The following DOCK5 variants were observed in gnomAD, a reference collection of about 807,000 sequenced individuals.
DOCK5 encodes dedicator of cytokinesis 5.
DOCK5 carries 142 observed loss-of-function variants against 251.8 expected under a neutral mutation model. The ratio of observed to expected loss-of-function variants is 0.56; its 90% CI spans 0.49 to 0.65. The LOEUF (loss-of-function observed/expected upper bound fraction) is 0.65. Among genes scored for constraint, DOCK5 ranks in the 30% least tolerant of loss-of-function variants. DOCK5 has a pLI of 0.00. For missense variants in DOCK5, 2,111 were observed against 2,312.3 expected, an observed-to-expected ratio of 0.91 and a Z score of 1.79; for synonymous variants, 842 against 835.5, an observed-to-expected ratio of 1.01 and a Z score of -0.13.
At chr8:25,205,265 GTCTC>G (rs1801974903) in intron 1 of DOCK5, among the ~76,000 whole-genome samples, 1 of 151,882 alleles carries the variant, frequency 6.6e-6, no homozygotes, top group Non-Finnish European at 1.5e-5. Flanking sequence ...CTCTCCCTCT[GTCTC>G]TCTCTTTCTG....
intron 1 of DOCK5, among the ~76,000 whole-genome samples, chr8:25,240,992 C>T (rs758938959): frequency 5.9e-5 from 9 of 152,286 alleles, no homozygotes; most frequent in South Asian, 4.1e-4. Context: ...ATCTGCATGT[C>T]GCCTTCTCTC....
chr8:25,365,417 C>A (rs572677218), intron 30 of DOCK5, among the ~76,000 whole-genome samples: 7 of 152,286 alleles, frequency 4.6e-5, no homozygotes, highest in South Asian at 4.1e-4. Context: ...TGTCCAAGTT[C>A]TTGACGTTTT....
intron 1 of DOCK5, among the ~76,000 whole-genome samples, chr8:25,204,152 A>G (rs1438991053): frequency 6.6e-6 from 1 of 152,176 alleles, no homozygotes; most frequent in Non-Finnish European, 1.5e-5. Context: ...TTTTAATAGC[A>G]TGTGTTTGGA....
At chr8:25,327,866 AAG>A (rs1205656443) in intron 18 of DOCK5, among the ~76,000 whole-genome samples, 2 of 152,090 alleles carry the variant, frequency 1.3e-5, no homozygotes, top group African/African-American at 4.8e-5. Flanking sequence ...GAAAATTGGT[AAG>A]AGAGTAGATT....
intron 35 of DOCK5, among the ~76,000 whole-genome samples, chr8:25,372,926 G>T (rs939313813): frequency 3.9e-5 from 6 of 151,978 alleles, no homozygotes; most frequent in Non-Finnish European, 7.4e-5. Flanking sequence ...GTGTGTTTTT[G>T]ATTGTTTGTT....
At chr8:25,272,343 A>G (rs1803933472) in intron 3 of DOCK5, among the ~76,000 whole-genome samples, 1 of 152,164 alleles carries the variant, frequency 6.6e-6, no homozygotes, top group African/African-American at 2.4e-5. Context: ...ATATTCTCCT[A>G]ATATGAAAAT....
intron 5 of DOCK5, among the ~76,000 whole-genome samples, chr8:25,289,721 A>C (rs1366379724): frequency 1.3e-5 from 2 of 151,946 alleles, no homozygotes; most frequent in Non-Finnish European, 2.9e-5. Context: ...GCATGCCTGT[A>C]ATCCCAGCTA....
intron 11 of DOCK5, among the ~76,000 whole-genome samples, chr8:25,305,624 A>G (rs1804897479): frequency 6.6e-6 from 1 of 152,230 alleles, no homozygotes; most frequent in Non-Finnish European, 1.5e-5. Context: ...AAGAATTAAT[A>G]GAAATTAATA....
At chr8:25,402,749 AT>A (rs1801460309) in intron 47 of DOCK5, among the ~76,000 whole-genome samples, 1 of 152,098 alleles carries the variant, frequency 6.6e-6, no homozygotes, top group African/African-American at 2.4e-5. Flanking sequence ...CAGCCCTTTA[AT>A]GGTCTTATTC....
At chr8:25,191,169 G>A (rs1243832213) in intron 1 of DOCK5, among the ~76,000 whole-genome samples, 1 of 152,064 alleles carries the variant, frequency 6.6e-6, no homozygotes, top group African/African-American at 2.4e-5. Flanking sequence ...TCAGAATGGG[G>A]GGGGTCCATG....
intron 18 of DOCK5, 136 bp downstream of exon 18, chr8:25,325,683 C>G: frequency 9.7e-7 from 1 of 1,034,688 alleles, no homozygotes; most frequent in Admixed American, 2.9e-5. Flanking sequence ...ATTCTGCTCT[C>G]TGCTTTTCAA....
intron 1 of DOCK5, among the ~76,000 whole-genome samples, chr8:25,232,056 A>G (rs1355934143): frequency 6.6e-6 from 1 of 152,220 alleles, no homozygotes; most frequent in Admixed American, 6.5e-5. Flanking sequence ...TGGTAATTCA[A>G]TTCTATTGTA....
chr8:25,197,613 C>A (rs1801764656), intron 1 of DOCK5, among the ~76,000 whole-genome samples: 1 of 112,406 alleles, frequency 8.9e-6, no homozygotes, highest in African/African-American at 3.7e-5. Flanking sequence ...GAGAAGGAGT[C>A]TCGCTCTGTT....
intron 27 of DOCK5, among the ~76,000 whole-genome samples, chr8:25,352,781 T>A (rs555622833): frequency 6.6e-6 from 1 of 152,134 alleles, no homozygotes; most frequent in South Asian, 2.1e-4. Context: ...ATGACAGCAG[T>A]TACAGCAAAA....
intron 2 of DOCK5, among the ~76,000 whole-genome samples, chr8:25,266,294 C>G (rs1028071442): frequency 1.3e-5 from 2 of 151,536 alleles, no homozygotes; most frequent in Non-Finnish European, 2.9e-5. Context: ...CGGCTCACTG[C>G]AAGCTCCGCC....
At chr8:25,272,410 A>C (rs1276681705) in intron 3 of DOCK5, among the ~76,000 whole-genome samples, 1 of 152,222 alleles carries the variant, frequency 6.6e-6, no homozygotes, top group Non-Finnish European at 1.5e-5. Flanking sequence ...TAGATGTCAC[A>C]AGATTCATCA....
At chr8:25,233,662 A>G (rs981697148) in intron 1 of DOCK5, among the ~76,000 whole-genome samples, 8 of 152,202 alleles carry the variant, frequency 5.3e-5, no homozygotes, top group African/African-American at 1.9e-4. Flanking sequence ...ATTATGGAAA[A>G]TATCTTCAAT....
rs192636240 is a variant in DOCK5 at position 25,371,670 on chromosome 8, A to G, written c.3525-889A>G. Among the ~76,000 whole-genome samples, 4 of 152,308 alleles carry G rather than the reference A, an allele frequency of 2.6e-5. No individual in the cohort carries two copies. The East Asian group carries it at 5.8e-4, about 22-fold the overall frequency. On this transcript the variant is annotated intron_variant, in intron 34 of 51. Coordinates refer to ENST00000276440, the MANE Select transcript of DOCK5 (RefSeq NM_024940.8). ...TCTGATCTTATATGGAATTAAATGA[A>G]GTTATGCACATATACACACAATATT...
chr8:25,228,735 C>A (rs200001783), intron 1 of DOCK5, among the ~76,000 whole-genome samples: 4 of 127,734 alleles, frequency 3.1e-5, no homozygotes, highest in African/African-American at 1.2e-4. Context: ...CTATTTTTAA[C>A]CTTTTTTCAC....
Sources: allele counts gnomAD v4.1 joint callset (sites outside exome capture counted in the v4.1 genomes callset), GRCh38; gene constraint gnomAD v4.1.1; transcripts MANE v1.5; gene names NCBI Gene and HGNC (gene_info 2026-07-23, HGNC 2026-07-21).